Variants in BPIFB6 observed in about 807,000 individuals in gnomAD.
BPIFB6 encodes BPI fold containing family B member 6.
BPIFB6 carries 47 observed loss-of-function variants against 54.7 expected under a neutral mutation model. The ratio of observed to expected loss-of-function variants is 0.86; its 90% confidence interval spans 0.68 to 1.10. The LOEUF is 1.10. BPIFB6 is among the 50% of genes least tolerant of loss of function. BPIFB6 has a pLI of 0.00. For missense variants in BPIFB6, 603 were observed against 564.1 expected (o/e 1.07, Z -0.70); for synonymous variants, 255 against 225.9 (o/e 1.13, Z -1.16).
At position 33,043,885 on chromosome 20, in the gene BPIFB6, C is replaced by T. The variant is rs73904433; in HGVS notation, c.1330-130C>T. Reference sequence around the variant, plus strand: ...AAGTGACCTCTCCAGGGTCACAAGGCAAGTCTACTTCAACCTTTGCTTAAC... The same window carrying T: ...AAGTGACCTCTCCAGGGTCACAAGGTAAGTCTACTTCAACCTTTGCTTAAC... On this transcript the variant is annotated intron_variant, in intron 14 of 14. Coordinates refer to ENST00000349552, the MANE Select transcript of BPIFB6 (RefSeq NM_174897.2). 10,510 of 1,165,924 alleles carry T rather than the reference C, an allele frequency of 9.0e-3. 701 individuals carry two copies. The African/African-American group carries it at 0.14, about 16-fold the overall frequency. The allele number at this position is 1,165,924 out of a possible 1,614,324, so 72.2% of individuals were successfully genotyped here.
intron 2 of BPIFB6, 121 bp from the exon 3 acceptor site, chr20:33,034,065 C>T: frequency 2.7e-6 from 2 of 747,040 alleles, no homozygotes; most frequent in Non-Finnish European, 2.5e-6. Flanking sequence ...TGCTTACCCC[C>T]ATGACATGGG....
Position 33,040,070 on chromosome 20 carries a change from A to T in BPIFB6, c.1075-181A>T, listed in dbSNP as rs185904327. Among the ~76,000 whole-genome samples the T allele has an allele frequency of 5.3e-5, 8 of 152,292 alleles. No homozygotes were observed. In the East Asian group the frequency reaches 1.5e-3, roughly 29 times the overall value. On this transcript the variant is annotated intron_variant, in intron 10 of 14. Coordinates refer to ENST00000349552, the MANE Select transcript of BPIFB6 (RefSeq NM_174897.2). Reference sequence around the variant, plus strand: ...CTGACTCAGGACAAGGAGGGATGAGAAGCCTGGGCTGGCGCTACAGGGAGA... The same window carrying T: ...CTGACTCAGGACAAGGAGGGATGAGTAGCCTGGGCTGGCGCTACAGGGAGA...
At chr20:33,042,159 G>C (rs976000842) in intron 12 of BPIFB6, 144 bp downstream of exon 12, 7 of 775,104 alleles carry the variant, frequency 9.0e-6, no homozygotes, top group African/African-American at 1.7e-5. Context: ...CTGACTTGCC[G>C]TGTGAGCTTA....
rs142063855 is a variant in BPIFB6 at position 33,034,880 on chromosome 20, C to A, written c.420C>A (p.Ile140=). ...PVFKSEGCEV[I]LVNVKTNLPS... ...TCAAGAGTGAGGGCTGTGAGGTCAT[C>A]CTGGTCAATGTGAAGACTAACCTGC... is the stretch of plus-strand genomic sequence containing the variant. The change falls in exon 4 of 15, where the codon ATC becomes ATA. Residue 140 remains isoleucine, a synonymous_variant. Coordinates refer to ENST00000349552, the MANE Select transcript of BPIFB6 (RefSeq NM_174897.2). 2.2e-4 allele frequency: 362 copies of A among 1,613,044 alleles called. No homozygotes were observed. In the African/African-American group the frequency reaches 4.3e-3, roughly 19 times the overall value.
In BPIFB6 at chr20:33,035,149, G is replaced by A. The variant is rs181956289; in HGVS notation, c.516+5G>A. 275 of 1,613,610 alleles carry A rather than the reference G, an allele frequency of 1.7e-4. 4 individuals carry two copies. In the African/African-American group the frequency reaches 3.4e-3, roughly 20 times the overall value. On this transcript the variant is annotated splice_donor_5th_base_variant and intron_variant, in intron 5 of 14. Transcript: ENST00000349552. ...CACAAAGTCCTCCCTGGGCTGGTGA[G>A]TGACCCAGAGAAAGCCTCCACCCCT...
At chr20:33,035,760 G>A in intron 6 of BPIFB6, 88 bp downstream of exon 6, 2 of 1,368,888 alleles carry the variant, frequency 1.5e-6, no homozygotes. Context: ...CCTAGTGCCT[G>A]CTTCCAGCCC....
chr20:33,042,734 C>G, intron 12 of BPIFB6, 81 bp from the exon 13 acceptor site: 1 of 1,359,258 alleles, frequency 7.4e-7, no homozygotes, highest in Non-Finnish European at 1.0e-6. Context: ...GTCCCCAGGC[C>G]TAGCCAGAGA....
Position 33,040,365 on chromosome 20 carries a change from T to G in BPIFB6, c.1142+47T>G, listed in dbSNP as rs775714268. On this transcript the variant is annotated intron_variant, in intron 11 of 14. Transcript: ENST00000349552. ...CTGGCATCCCTGTTACCTTCACATT[T>G]GGCCTTCTGATCTAGCACACCCCAC... The G allele has an allele frequency of 3.8e-6, 6 of 1,581,620 alleles. No homozygotes were observed. The South Asian group carries it at 6.7e-5, about 18-fold the overall frequency.
At position 33,043,302 on chromosome 20, in the gene BPIFB6, G is replaced by T; in HGVS notation, c.1264G>T (p.Val422Leu). ...ACTGTATTTCTCAGATGTGCTTCAA[G>T]TGGGGCTCCCACTCCCGGACTTTCT... ...YIPVVNDVLQ[V>L]GLPLPDFLAM... The change falls in exon 14 of 15, where the codon GTG (valine) becomes TTG (leucine). Residue 422 changes from valine (V) to leucine (L), a missense_variant. By Grantham distance (32) the Val-to-Leu change is conservative (BLOSUM62 1). Coordinates refer to ENST00000349552, the MANE Select transcript of BPIFB6 (RefSeq NM_174897.2). 1 of 1,614,160 alleles carries T rather than the reference G, an allele frequency of 6.2e-7. No individual in the cohort carries two copies. The highest frequency in any genetic ancestry group is 8.5e-7 in the Non-Finnish European group (1 of 1,179,998).
chr20:33,041,898 C>T, intron 11 of BPIFB6, 72 bp from the exon 12 acceptor site: 3 of 1,440,978 alleles, frequency 2.1e-6, no homozygotes, highest in East Asian at 4.6e-5. Context: ...ACCCCCTTCT[C>T]CAGCGCCAGG....
At position 33,033,741 on chromosome 20, in the gene BPIFB6, T is replaced by C. The variant is rs533939430; in HGVS notation, c.198-445T>C. 11 of 439,982 alleles carry C rather than the reference T, an allele frequency of 2.5e-5. No homozygotes were observed. In the East Asian group the frequency reaches 7.8e-4, roughly 31 times the overall value. 27.3% of individuals were successfully genotyped at this position (439,982 alleles called of 1,614,324 possible). A position where few individuals can be genotyped will look rare whatever the true frequency, so the allele number is the denominator to read the frequency against. On this transcript the variant is annotated intron_variant, in intron 2 of 14. Transcript: ENST00000349552. Reference sequence around the variant, plus strand: ...TTTCATTGTCACAAGTTGCGGGGACTGGGGGAATGCTACTGGCATCTACTG... The same window carrying C: ...TTTCATTGTCACAAGTTGCGGGGACCGGGGGAATGCTACTGGCATCTACTG...
chr20:33,034,928 G>A lies in BPIFB6; in HGVS notation c.452+16G>A. The A allele has an allele frequency of 6.2e-7, 1 of 1,606,914 alleles. No homozygotes were observed. Among genetic ancestry groups the A allele is most frequent in the South Asian group, 1.1e-5 (1 of 90,736 alleles). ...TGCCTAGCAAGTGAGGGGCTCTGTG[G>A]CTGGGGAGGAAGGCCGGTCCATATT... is the stretch of plus-strand genomic sequence containing the variant. On this transcript the variant is annotated intron_variant, in intron 4 of 14. Transcript: ENST00000349552.
At chr20:33,036,723 C>T (rs150047639) in intron 7 of BPIFB6, among the ~76,000 whole-genome samples, 187 bp downstream of exon 7, 20 of 152,290 alleles carry the variant, frequency 1.3e-4, no homozygotes, top group East Asian at 1.2e-3. Context: ...GCTCTAAACG[C>T]GAACCTTCAG....
rs11907718 is a variant in BPIFB6 at position 33,040,647 on chromosome 20, C to G, written c.1142+329C>G. 5.2e-3 allele frequency among the ~76,000 whole-genome samples: 796 copies of G among 152,340 alleles called. 5 individuals carry two copies. The highest frequency in any genetic ancestry group is 0.018 in the African/African-American group (742 of 41,572). On this transcript the variant is annotated intron_variant, in intron 11 of 14. Transcript: ENST00000349552. ...TTACCCATGCCATTCACCTGAGAGT[C>G]AGGGTCCAGCTCAAATGCCACCTCC...
At chr20:33,041,209 T>C (rs778118108) in intron 11 of BPIFB6, among the ~76,000 whole-genome samples, 99 of 152,238 alleles carry the variant, frequency 6.5e-4, no homozygotes, top group Admixed American at 3.6e-3. Context: ...CAGGATGGTC[T>C]GGATTTTCTG....
intron 12 of BPIFB6, among the ~76,000 whole-genome samples, chr20:33,042,581 T>C (rs530673431): frequency 6.6e-6 from 1 of 152,342 alleles, no homozygotes; most frequent in African/African-American, 2.4e-5. Flanking sequence ...TTCCTGTTCC[T>C]GCACCATGGC....
chr20:33,039,255 T>C (rs1031354993), intron 9 of BPIFB6, 92 bp from the exon 10 acceptor site: 1 of 1,325,790 alleles, frequency 7.5e-7, no homozygotes, highest in African/African-American at 1.5e-5. Context: ...GTGTCCAACG[T>C]AGAAATCACC....
rs1459827406 is a variant in BPIFB6, at chr20:33,040,292, G to C, written c.1116G>C (p.Gln372His). 3 of 1,614,130 alleles carry C rather than the reference G, an allele frequency of 1.9e-6. No individual in the cohort carries two copies. Among genetic ancestry groups the C allele is most frequent in the Non-Finnish European group, 2.5e-6 (3 of 1,180,012 alleles). ...LKVQYSVHENQLQMATSLDRL... is the reference protein window; with the variant it reads ...LKVQYSVHENHLQMATSLDRL... ...TCCAGTACTCAGTGCATGAGAACCA[G>C]CTGCAGATGGCCACTTCTTTGGACA... The change falls in exon 11 of 15, where the codon CAG becomes CAC. Residue 372 changes from glutamine (Q) to histidine (H), a missense_variant. By Grantham distance (24) the Gln-to-His change is conservative. Transcript: ENST00000349552.
chr20:33,034,817 C>G lies in BPIFB6; in HGVS notation c.357C>G (p.Asn119Lys), dbSNP rs976798815. The change falls in exon 4 of 15, where the codon AAC becomes AAG. Residue 119 changes from asparagine to lysine, a missense_variant. Asn to Lys is a moderately conservative substitution (Grantham distance 94). Transcript: ENST00000349552. ...IIVALNITAT[N>K]RLLRDEETGL... ...TGGCCCTGAACATCACAGCCACCAA[C>G]CGGCTTCTGCGGGATGAGGAGACAG... The G allele has an allele frequency of 1.2e-5, 19 of 1,613,742 alleles. No homozygotes were observed. Among genetic ancestry groups the G allele is most frequent in the Non-Finnish European group, 1.4e-5 (17 of 1,179,860 alleles).
Sources: allele counts gnomAD v4.1 joint callset (sites outside exome capture counted in the v4.1 genomes callset), GRCh38; gene constraint gnomAD v4.1.1; transcripts MANE v1.5; gene names NCBI Gene and HGNC (gene_info 2026-07-23, HGNC 2026-07-21).